AK5: variants seen among roughly 807,000 people sequenced by gnomAD.
AK5 encodes adenylate kinase 5.
In AK5, 27 loss-of-function variants were observed where a neutral mutation model predicts 69.5. The ratio of observed to expected loss-of-function variants is 0.39; its 90% CI spans 0.29 to 0.54. The LOEUF (loss-of-function observed/expected upper bound fraction) is 0.54. Among genes scored for constraint, AK5 ranks in the 20% least tolerant of loss-of-function variants. The pLI, the probability that AK5 is intolerant of heterozygous loss-of-function variation, is 0.71. For missense variants in AK5, 531 were observed against 700.4 expected (o/e 0.76, Z 2.73); for synonymous variants, 260 against 244.4 (o/e 1.06, Z -0.60).
chr1:77,287,735 C>CA (rs1174282495), intron 2 of AK5, among the ~76,000 whole-genome samples: 2 of 151,878 alleles, frequency 1.3e-5, no homozygotes, highest in African/African-American at 2.4e-5. Context: ...GATTTATAGA[C>CA]AAAAAAAGGG....
At chr1:77,371,717 A>G (rs1416617505) in intron 6 of AK5, among the ~76,000 whole-genome samples, 1 of 152,224 alleles carries the variant, frequency 6.6e-6, no homozygotes, top group African/African-American at 2.4e-5. Flanking sequence ...AGAAGGACTT[A>G]AAAAGATAAG....
intron 13 of AK5, among the ~76,000 whole-genome samples, chr1:77,536,331 A>G (rs1658966517): frequency 6.6e-6 from 1 of 152,124 alleles, no homozygotes; most frequent in Admixed American, 6.5e-5. Flanking sequence ...GCACATGCCT[A>G]TAATCCCAGC....
At chr1:77,344,329 T>C (rs1180184975) in intron 6 of AK5, among the ~76,000 whole-genome samples, 3 of 152,256 alleles carry the variant, frequency 2.0e-5, no homozygotes, top group East Asian at 1.9e-4. Flanking sequence ...AAGGCTAGTA[T>C]ATTAGAAACT....
intron 5 of AK5, among the ~76,000 whole-genome samples, chr1:77,321,910 A>G (rs563949350): frequency 6.6e-6 from 1 of 152,204 alleles, no homozygotes; most frequent in African/African-American, 2.4e-5. Flanking sequence ...AATGTGTACC[A>G]AAACTATTAG....
chr1:77,298,562 G>A (rs945350757), intron 5 of AK5, among the ~76,000 whole-genome samples: 11 of 151,672 alleles, frequency 7.3e-5, no homozygotes, highest in Non-Finnish European at 1.5e-4. Flanking sequence ...CCAACACTTC[G>A]GAAGGCTGAG....
At position 77,545,495 on chromosome 1, in the gene AK5, T is replaced by C. The variant is rs145373267; in HGVS notation, c.1620+9457T>C. On this transcript the variant is annotated intron_variant, in intron 13 of 13. Coordinates refer to ENST00000354567, the MANE Select transcript of AK5 (RefSeq NM_174858.3). ...TTCAACTAGGTTGTTTCTAGTTCAG[T>C]TTGGTTGTTTTTACCTACTACTAAC... Among the ~76,000 whole-genome samples, 32 of 152,340 alleles carry C rather than the reference T, an allele frequency of 2.1e-4. No individual in the cohort carries two copies. The East Asian group carries it at 5.6e-3, about 27-fold the overall frequency.
chr1:77,534,313 A>T (rs1229811668), intron 12 of AK5, among the ~76,000 whole-genome samples: 1 of 152,192 alleles, frequency 6.6e-6, no homozygotes, highest in African/African-American at 2.4e-5. Flanking sequence ...GAGACAAAAG[A>T]ACATTTAAGA....
intron 8 of AK5, among the ~76,000 whole-genome samples, chr1:77,440,510 A>C (rs747738818): frequency 2.6e-5 from 4 of 152,154 alleles, no homozygotes; most frequent in Non-Finnish European, 5.9e-5. Flanking sequence ...TTGAATGTCC[A>C]TATATCCCCT....
At chr1:77,422,185 G>A (rs1357997050) in intron 8 of AK5, among the ~76,000 whole-genome samples, 5 of 152,086 alleles carry the variant, frequency 3.3e-5, no homozygotes, top group Non-Finnish European at 7.4e-5. Flanking sequence ...GTTCTCCTGT[G>A]CAGGAATTGC....
intron 6 of AK5, among the ~76,000 whole-genome samples, chr1:77,368,245 A>ATATATATATATATATAT (rs376578923): frequency 5.9e-5 from 4 of 67,904 alleles, no homozygotes; most frequent in East Asian, 7.8e-4. Context: ...ATATATATAT[A>ATATATATATATATATAT]TATATATAAT....
chr1:77,415,006 T>A (rs1004568365), intron 7 of AK5, among the ~76,000 whole-genome samples: 4 of 152,194 alleles, frequency 2.6e-5, no homozygotes, highest in African/African-American at 9.7e-5. Context: ...ATTAATCCTG[T>A]TGCCAGGAGT....
intron 10 of AK5, among the ~76,000 whole-genome samples, chr1:77,498,223 T>C (rs1391542931): frequency 6.6e-6 from 1 of 152,162 alleles, no homozygotes; most frequent in Non-Finnish European, 1.5e-5. Context: ...TCTGTGGGGT[T>C]TGGCAACAGG....
chr1:77,486,848 A>G (rs944272979), intron 10 of AK5, among the ~76,000 whole-genome samples: 5 of 152,194 alleles, frequency 3.3e-5, no homozygotes, highest in African/African-American at 1.2e-4. Context: ...TCTTTTCAGC[A>G]TGGAAAAAGT....
chr1:77,367,579 A>ATATATATGTT lies in AK5; in HGVS notation c.891+27011_891+27012insTATATATGTT, dbSNP rs71075732. 2.4e-3 allele frequency among the ~76,000 whole-genome samples: 126 copies of ATATATATGTT among 53,388 alleles called. 2 individuals carry two copies. Among genetic ancestry groups the ATATATATGTT allele is most frequent in the Middle Eastern group, 0.017 (1 of 58 alleles). The allele number at this position is 53,388 out of a possible 152,430, so 35.0% of individuals were successfully genotyped here. On this transcript the variant is annotated intron_variant, in intron 6 of 13. Coordinates refer to ENST00000354567, the MANE Select transcript of AK5 (RefSeq NM_174858.3). ...TTTTTATATATATATATATATATAT[A>ATATATATGTT]ATATATATGTTATATATGTAATATA...
intron 9 of AK5, among the ~76,000 whole-genome samples, chr1:77,484,483 C>T (rs1655465810): frequency 6.6e-6 from 1 of 152,084 alleles, no homozygotes; most frequent in Admixed American, 6.5e-5. Flanking sequence ...ATGGCAAGAG[C>T]AGTATGTGAA....
intron 8 of AK5, among the ~76,000 whole-genome samples, chr1:77,422,771 A>T (rs889204332): frequency 1.3e-5 from 2 of 152,224 alleles, no homozygotes; most frequent in Admixed American, 1.3e-4. Context: ...GGAGCCTGGC[A>T]TATGGCATAT....
chr1:77,381,594 T>G (rs114739638), intron 6 of AK5, among the ~76,000 whole-genome samples: 2,285 of 152,290 alleles, frequency 0.015, 24 homozygotes, highest in Middle Eastern at 0.034. Context: ...AAATATTACT[T>G]TACTAAGTGC....
intron 6 of AK5, among the ~76,000 whole-genome samples, chr1:77,383,540 T>A (rs1261956008): frequency 1.3e-5 from 2 of 152,150 alleles, no homozygotes; most frequent in African/African-American, 4.8e-5. Context: ...GCTAAATATC[T>A]GCTACTTATG....
chr1:77,539,524 C>T (rs1659160906), intron 13 of AK5, among the ~76,000 whole-genome samples: 1 of 152,184 alleles, frequency 6.6e-6, no homozygotes, highest in Non-Finnish European at 1.5e-5. Flanking sequence ...GAACAGTCCT[C>T]CCTACACACC....
Sources: allele counts gnomAD v4.1 joint callset (sites outside exome capture counted in the v4.1 genomes callset), GRCh38; gene constraint gnomAD v4.1.1; transcripts MANE v1.5; gene names NCBI Gene and HGNC (gene_info 2026-07-23, HGNC 2026-07-21).